CSGALNACT1: variants seen among roughly 807,000 people sequenced by gnomAD.
The protein encoded by CSGALNACT1 is beta4GalNAcT-1.
In CSGALNACT1, 52 loss-of-function variants were observed where a neutral mutation model predicts 51.0. The observed-to-expected ratio is 1.02, with a 90% CI of 0.82 to 1.29. The LOEUF is 1.29. Ranked by LOEUF, CSGALNACT1 falls within the 50% of genes most tolerant of loss-of-function variation. The probability of loss-of-function intolerance (pLI) is 0.00; values close to 1 mark genes in which losing one functional copy is unlikely to be tolerated. For synonymous variants in CSGALNACT1, 341 were observed against 254.4 expected, an observed-to-expected ratio of 1.34 and a Z score of -3.24; for missense variants, 935 against 679.2, an observed-to-expected ratio of 1.38 and a Z score of -4.19.
chr8:19,603,221 T>C (rs1008404110), upstream of CSGALNACT1, among the ~76,000 whole-genome samples: 5 of 152,098 alleles, frequency 3.3e-5, no homozygotes, highest in Admixed American at 6.5e-5. Flanking sequence ...TGGTCCCCAG[T>C]TCCTCCATGG....
intron 3 of CSGALNACT1, among the ~76,000 whole-genome samples, chr8:19,513,547 T>C (rs894443458): frequency 1.3e-5 from 2 of 151,302 alleles, no homozygotes; most frequent in Non-Finnish European, 2.9e-5. Flanking sequence ...AATCTATCTC[T>C]TATACACACT....
chr8:19,720,843 C>G (rs1432942126), intron 1 of CSGALNACT1, among the ~76,000 whole-genome samples: 1 of 152,202 alleles, frequency 6.6e-6, no homozygotes, highest in African/African-American at 2.4e-5. Context: ...TAAAACATCA[C>G]AACGAAGCCC....
chr8:19,405,747 A>T (rs755989393), exon 10 of CSGALNACT1: 2 of 1,613,708 alleles, frequency 1.2e-6, no homozygotes, highest in South Asian at 2.2e-5. Context: ...AAAAGGAAAG[A>T]AAAAGTGTCT....
intron 1 of CSGALNACT1, among the ~76,000 whole-genome samples, chr8:19,660,026 C>G (rs1172627780): frequency 6.6e-6 from 1 of 152,160 alleles, no homozygotes; most frequent in East Asian, 1.9e-4. Context: ...TATTATTGTC[C>G]CAGTCTTATA....
At chr8:19,641,608 A>G (rs115846200) in intron 1 of CSGALNACT1, among the ~76,000 whole-genome samples, 251 of 152,318 alleles carry the variant, frequency 1.6e-3, no homozygotes, top group African/African-American at 5.7e-3. Context: ...TACCTTTTTA[A>G]ATGTATGAAA....
intron 1 of CSGALNACT1, among the ~76,000 whole-genome samples, chr8:19,656,413 G>A (rs1362946877): frequency 6.6e-6 from 1 of 152,122 alleles, no homozygotes; most frequent in Non-Finnish European, 1.5e-5. Context: ...ATTCCAGGAT[G>A]CTAGTGCCAG....
intron 3 of CSGALNACT1, among the ~76,000 whole-genome samples, chr8:19,542,979 G>A (rs905311187): frequency 6.6e-6 from 1 of 152,044 alleles, no homozygotes; most frequent in African/African-American, 2.4e-5. Context: ...CAGAGAGCAT[G>A]GTCTAGACTA....
upstream of CSGALNACT1, chr8:19,602,574 C>A (rs1217091199): frequency 6.6e-6 from 1 of 152,286 alleles, no homozygotes; most frequent in Non-Finnish European, 1.5e-5. Context: ...AACACGACAC[C>A]CAAGGAGAGG....
intron 8 of CSGALNACT1, among the ~76,000 whole-genome samples, chr8:19,417,687 A>G (rs2153690594): frequency 6.6e-6 from 1 of 152,338 alleles, no homozygotes; most frequent in African/African-American, 2.4e-5. Context: ...TACCCACAGC[A>G]AAGAAGAACA....
intron 3 of CSGALNACT1, among the ~76,000 whole-genome samples, chr8:19,509,279 G>T (rs1000313375): frequency 1.1e-4 from 16 of 152,104 alleles, no homozygotes; most frequent in African/African-American, 3.6e-4. Flanking sequence ...TCTTGCTTCT[G>T]TGAAGACTTC....
At chr8:19,679,547 C>G (rs191465208) in intron 1 of CSGALNACT1, among the ~76,000 whole-genome samples, 17 of 152,256 alleles carry the variant, frequency 1.1e-4, no homozygotes, top group Admixed American at 3.9e-4. Flanking sequence ...AAGGTACTGA[C>G]GCAGGATGCT....
At chr8:19,599,996 G>C (rs2050050373) in intron 2 of CSGALNACT1, among the ~76,000 whole-genome samples, 1 of 152,188 alleles carries the variant, frequency 6.6e-6, no homozygotes, top group African/African-American at 2.4e-5. Context: ...TTGTGCAGTA[G>C]GGATAGCCTT....
At chr8:19,413,483 A>G (rs956240959) in intron 8 of CSGALNACT1, among the ~76,000 whole-genome samples, 1 of 152,190 alleles carries the variant, frequency 6.6e-6, no homozygotes, top group Non-Finnish European at 1.5e-5. Context: ...GAAAGGCTCC[A>G]TAAAGGGCCT....
chr8:19,458,366 G>A, intron 5 of CSGALNACT1, 60 bp downstream of exon 4: 1 of 1,309,014 alleles, frequency 7.6e-7, no homozygotes, highest in South Asian at 1.2e-5. Flanking sequence ...GACGGGAAAT[G>A]ATATCAGTGT....
chr8:19,489,075 G>C (rs1312747960), intron 4 of CSGALNACT1, among the ~76,000 whole-genome samples: 2 of 152,166 alleles, frequency 1.3e-5, no homozygotes, highest in Non-Finnish European at 2.9e-5. Context: ...GAGATGGGGA[G>C]ACCAGGGCAC....
chr8:19,727,428 C>T (rs1440782546), intron 1 of CSGALNACT1, among the ~76,000 whole-genome samples: 1 of 152,160 alleles, frequency 6.6e-6, no homozygotes, highest in African/African-American at 2.4e-5. Flanking sequence ...GCTTTCACTG[C>T]AACCTCCACC....
At chr8:19,707,160 G>C (rs969027023) in intron 1 of CSGALNACT1, among the ~76,000 whole-genome samples, 6 of 152,014 alleles carry the variant, frequency 3.9e-5, no homozygotes, top group East Asian at 3.9e-4. Flanking sequence ...AAGTAGCATG[G>C]GGTGTAAACA....
intron 1 of CSGALNACT1, among the ~76,000 whole-genome samples, chr8:19,667,009 AAG>A (rs2059376007): frequency 2.5e-5 from 1 of 40,026 alleles, no homozygotes; most frequent in African/African-American, 1.7e-4. Context: ...GAAAGAAAGA[AAG>A]AAAGAAAGGA....
At chr8:19,581,050 G>C (rs1055097495) in intron 3 of CSGALNACT1, among the ~76,000 whole-genome samples, 4 of 152,086 alleles carry the variant, frequency 2.6e-5, no homozygotes, top group Non-Finnish European at 5.9e-5. Context: ...TATTCCAAGA[G>C]GAAAAGAGAA....
Sources: allele counts gnomAD v4.1 joint callset (sites outside exome capture counted in the v4.1 genomes callset), GRCh38; gene constraint gnomAD v4.1.1; transcripts MANE v1.5; gene names NCBI Gene and HGNC (gene_info 2026-07-23, HGNC 2026-07-21).